YIPF2: variants seen among roughly 807,000 people sequenced by gnomAD.
The protein encoded by YIPF2 is protein YIPF2.
In YIPF2, 30 loss-of-function variants were observed where a neutral mutation model predicts 38.8. The observed-to-expected ratio is 0.77, with a 90% CI of 0.58 to 1.05. YIPF2 has a LOEUF of 1.05. Ranked by LOEUF, YIPF2 falls within the 50% of genes least tolerant of loss-of-function variation. The pLI, the probability that YIPF2 is intolerant of heterozygous loss-of-function variation, is 0.00. For synonymous variants in YIPF2, 194 were observed against 183.8 expected, an observed-to-expected ratio of 1.06 and a Z score of -0.45; for missense variants, 401 against 409.7, an observed-to-expected ratio of 0.98 and a Z score of 0.18.
intron 5 of YIPF2, among the ~76,000 whole-genome samples, chr19:10,924,717 A>C (rs1273617959): frequency 6.6e-6 from 1 of 151,990 alleles, no homozygotes; most frequent in African/African-American, 2.4e-5. Context: ...CCGTTAGTCC[A>C]GGCAGAAATC....
At chr19:10,925,625 G>A in intron 5 of YIPF2, 61 bp downstream of exon 5, 1 of 1,594,706 alleles carries the variant, frequency 6.3e-7, no homozygotes, top group Non-Finnish European at 8.6e-7. Context: ...ACTGGCATCT[G>A]CAACTCAGGC....
rs779603834 is a variant in YIPF2, at chr19:10,923,957, A to G, written c.527T>C (p.Val176Ala). 1.4e-5 allele frequency: 22 copies of G among 1,613,262 alleles called. No homozygotes were observed. The highest frequency in any genetic ancestry group is 1.7e-5 in the Admixed American group (1 of 59,960). The change falls in exon 7 of 10, where the codon GTG becomes GCG. Residue 176 changes from valine (V) to alanine (A), a missense_variant. By Grantham distance (64) the Val-to-Ala change is moderately conservative. Transcript: ENST00000586748. ...GISIYCYAWL[V>A]PLALWGFLRW... ...CAGGAAGCCCCACAGGGCCAGGGGC[A>G]CCAGCCACGCATAGCAGTAGATGCT...
In YIPF2 at chr19:10,924,184, A is replaced by C; in HGVS notation, c.376T>G (p.Trp126Gly). The change falls in exon 6 of 10, where the codon TGG (tryptophan) becomes GGG (glycine). Residue 126 changes from tryptophan (W) to glycine (G), a missense_variant. By Grantham distance (184) the Trp-to-Gly change is radical (BLOSUM62 -2). Coordinates refer to ENST00000586748, the MANE Select transcript of YIPF2 (RefSeq NM_001321439.2). ...ACAAAGGCCAACGTGGCACAGATCC[A>C]GAAGGGGCCTGGGGGTAGGGGGCAC... ...RNRPDLYGPF[W>G]ICATLAFVLA... is the part of the protein sequence containing the mutation. The C allele has an allele frequency of 6.2e-7, 1 of 1,611,484 alleles. No homozygotes were observed. The highest frequency in any genetic ancestry group is 8.5e-7 in the Non-Finnish European group (1 of 1,179,818).
Position 10,928,363 on chromosome 19 carries a change from G to A in YIPF2, c.31+17C>T. 7.5e-7 allele frequency: 1 copy of A among 1,326,390 alleles called. No individual in the cohort carries two copies. Among genetic ancestry groups the A allele is most frequent in the Non-Finnish European group, 9.7e-7 (1 of 1,032,408 alleles). The allele number at this position is 1,326,390 out of a possible 1,614,324, so 82.2% of individuals were successfully genotyped here. A position where few individuals can be genotyped will look rare whatever the true frequency, so the allele number is the denominator to read the frequency against. On this transcript the variant is annotated intron_variant, in intron 2 of 9. Transcript: ENST00000586748. ...GGGCGGGAGTGGGAGATCCGGCCAC[G>A]TCGGGGCCGCACTCACCATGGAAGG...
At chr19:10,927,535 C>T in intron 4 of YIPF2, 95 bp downstream of exon 4, 1 of 1,497,444 alleles carries the variant, frequency 6.7e-7, no homozygotes, top group Non-Finnish European at 9.1e-7. Context: ...GTTCGTTCAC[C>T]AGCACCCACC....
At chr19:10,924,331 T>A (rs2145267029) in intron 5 of YIPF2, 139 bp from the exon 6 acceptor site, 1 of 722,804 alleles carries the variant, frequency 1.4e-6, no homozygotes, top group East Asian at 2.7e-5. Flanking sequence ...GGGGGCCTCC[T>A]GGTGGCTGAG....
rs183744859 is a variant in YIPF2, at chr19:10,926,388, G to A, written c.280-615C>T. Among the ~76,000 whole-genome samples the A allele has an allele frequency of 1.3e-3, 203 of 151,200 alleles. 2 individuals carry two copies. Among genetic ancestry groups the A allele is most frequent in the African/African-American group, 4.4e-3 (183 of 41,142 alleles). On this transcript the variant is annotated intron_variant, in intron 4 of 9. Coordinates refer to ENST00000586748, the MANE Select transcript of YIPF2 (RefSeq NM_001321439.2). ...ACTACAGGCGCCCACCACCACCCCC[G>A]GCTAATTTTTTGTATTTTTAGTAGA...
rs769848592 is a variant in YIPF2, at chr19:10,923,375, G to A, written c.867C>T (p.Asn289=). The A allele has an allele frequency of 2.4e-5, 39 of 1,613,448 alleles. No homozygotes were observed. The highest frequency in any genetic ancestry group is 4.5e-5 in the East Asian group (2 of 44,894). The stretch of plus-strand genomic sequence containing the variant: ...ATGTGATTTGGGGTGGAGGAGCCAC[G>A]TTCTCCGGAGGCAGCGACTGGAAGA... ...LYFFQSLPPE[N]VAPPPQITSL... Residue 289 remains asparagine (N), a synonymous_variant, in exon 9 of 10, where the codon AAC becomes AAT. Transcript: ENST00000586748.
chr19:10,923,966 G>A lies in YIPF2; in HGVS notation c.518C>T (p.Ala173Val), dbSNP rs772101536. The A allele has an allele frequency of 9.9e-6, 16 of 1,613,230 alleles. No individual in the cohort carries two copies. Among genetic ancestry groups the A allele is most frequent in the African/African-American group, 4.0e-5 (3 of 74,902 alleles). ...TVAGISIYCY[A>V]WLVPLALWGF... The stretch of plus-strand genomic sequence containing the variant: ...CCACAGGGCCAGGGGCACCAGCCAC[G>A]CATAGCAGTAGATGCTGATGCCTGC... Residue 173 changes from alanine to valine, a missense_variant, in exon 7 of 10, where the codon GCG becomes GTG. Ala to Val is a moderately conservative substitution (Grantham distance 64, BLOSUM62 0). Transcript: ENST00000586748.
chr19:10,925,511 C>T (rs1011100797), intron 5 of YIPF2, among the ~76,000 whole-genome samples, 175 bp downstream of exon 5: 1 of 152,160 alleles, frequency 6.6e-6, no homozygotes, highest in African/African-American at 2.4e-5. Context: ...CCTGTCTGCT[C>T]TGCTGCTCTC....
At chr19:10,923,471 C>A in intron 8 of YIPF2, 24 bp downstream of exon 8, 1 of 1,612,922 alleles carries the variant, frequency 6.2e-7, no homozygotes, top group Non-Finnish European at 8.5e-7. Context: ...CTCGGCCCCA[C>A]CTGTGGCCAC....
At chr19:10,923,726 A>AC (rs752692552) in intron 7 of YIPF2, 49 bp from the exon 8 acceptor site, 2 of 1,578,774 alleles carry the variant, frequency 1.3e-6, no homozygotes, top group Admixed American at 3.5e-5. Context: ...CCCAGCCACC[A>AC]CCCACTCTGC....
In YIPF2 at chr19:10,923,395, G is replaced by A; in HGVS notation, c.847C>T (p.Gln283Ter). The change falls in exon 9 of 10, where the codon CAG becomes TAG. Residue 283 changes from glutamine to a stop codon, truncating the protein, a stop_gained. Transcript: ENST00000586748. LOFTEE classifies it high-confidence loss of function. ...GCCACGTTCTCCGGAGGCAGCGACT[G>A]GAAGAAGTACAACTGCACAAGACCC... ...LAMGCKLYFF[Q>*]SLPPENVAPP... 1 of 1,613,596 alleles carries A rather than the reference G, an allele frequency of 6.2e-7. No individual in the cohort carries two copies. Among genetic ancestry groups the A allele is most frequent in the South Asian group, 1.1e-5 (1 of 91,088 alleles).
At position 10,923,360 on chromosome 19, in the gene YIPF2, G is replaced by C. The variant is rs758758620; in HGVS notation, c.882C>G (p.Pro294=). Residue 294 remains proline, a synonymous_variant, in exon 9 of 10, where the codon CCC becomes CCG. Coordinates refer to ENST00000586748, the MANE Select transcript of YIPF2 (RefSeq NM_001321439.2). ...TGTTTGAGGGCAGAGATGTGATTTG[G>C]GGTGGAGGAGCCACGTTCTCCGGAG... ...SLPPENVAPP[P]QITSLPSNIA... The C allele has an allele frequency of 2.5e-6, 4 of 1,613,410 alleles. No homozygotes were observed. The highest frequency in any genetic ancestry group is 3.3e-5 in the Admixed American group (2 of 59,906).
chr19:10,927,571 G>C, intron 4 of YIPF2, 59 bp downstream of exon 4: 2 of 1,587,822 alleles, frequency 1.3e-6, no homozygotes, highest in Non-Finnish European at 1.7e-6. Context: ...CCCAGGGGAA[G>C]AGTGGCTGAA....
At chr19:10,924,997 C>T (rs553822067) in intron 5 of YIPF2, among the ~76,000 whole-genome samples, 3 of 151,948 alleles carry the variant, frequency 2.0e-5, no homozygotes, top group Non-Finnish European at 2.9e-5. Context: ...CTTAGGAGGC[C>T]GAGGCGGGTG....
chr19:10,928,302 A>G, intron 2 of YIPF2, 78 bp downstream of exon 2: 1 of 1,317,986 alleles, frequency 7.6e-7, no homozygotes, highest in Non-Finnish European at 9.8e-7. Flanking sequence ...CGGGGTAGAG[A>G]AATTGGAAGC....
At chr19:10,924,251 T>C (rs1173262106) in intron 5 of YIPF2, 59 bp from the exon 6 acceptor site, 9 of 1,494,900 alleles carry the variant, frequency 6.0e-6, no homozygotes, top group Non-Finnish European at 6.4e-6. Flanking sequence ...CAAGCAGACA[T>C]GTATCCTGAC....
chr19:10,927,974 TATGGGA>T lies in YIPF2; in HGVS notation c.32-21_32-16del. 1 of 1,592,006 alleles carries T rather than the reference TATGGGA, an allele frequency of 6.3e-7. No homozygotes were observed. The highest frequency in any genetic ancestry group is 8.6e-7 in the Non-Finnish European group (1 of 1,162,268). ...CTCCTCGAATTCTGTGGAGGAGGTA[TATGGGA>T]CACACGCACGTTTGAGGGGTGGAAA... On this transcript the variant is annotated splice_polypyrimidine_tract_variant and intron_variant, in intron 2 of 9. Coordinates refer to ENST00000586748, the MANE Select transcript of YIPF2 (RefSeq NM_001321439.2).
Sources: allele counts gnomAD v4.1 joint callset (sites outside exome capture counted in the v4.1 genomes callset), GRCh38; gene constraint gnomAD v4.1.1; transcripts MANE v1.5; gene names NCBI Gene and HGNC (gene_info 2026-07-23, HGNC 2026-07-21).